Variants in TOX2 observed in about 807,000 individuals in gnomAD.
TOX2 encodes the protein granulosa cell HMG box 1.
Under a neutral mutation model 47.4 loss-of-function variants are expected in TOX2, and 15 were observed. That is an observed-to-expected ratio of 0.32 (90% confidence interval 0.21 to 0.49). The LOEUF is 0.49. Ranked by LOEUF, TOX2 falls within the 20% of genes least tolerant of loss-of-function variation. The pLI, the probability that TOX2 is intolerant of heterozygous loss-of-function variation, is 0.99. For missense variants in TOX2, 622 were observed against 673.1 expected, an observed-to-expected ratio of 0.92 and a Z score of 0.84; for synonymous variants, 290 against 296.6, an observed-to-expected ratio of 0.98 and a Z score of 0.23.
chr20:43,964,598 G>C lies in TOX2; in HGVS notation c.100-8769G>C, dbSNP rs529558514. Among the ~76,000 whole-genome samples the C allele has an allele frequency of 1.7e-4, 26 of 152,292 alleles. 1 individual carries two copies. In the South Asian group the frequency reaches 5.2e-3, roughly 30 times the overall value. On this transcript the variant is annotated intron_variant, in intron 1 of 8. Transcript: ENST00000341197. ...TCCCTAGGCTTTGATCTGTGTCTCT[G>C]TGCAGAGGGGAGGAGCAACAGCTTC...
At chr20:43,963,975 C>A (rs2069806222) in intron 1 of TOX2, among the ~76,000 whole-genome samples, 1 of 151,934 alleles carries the variant, frequency 6.6e-6, no homozygotes, top group Non-Finnish European at 1.5e-5. Flanking sequence ...AAATAGCTAA[C>A]AATGATTGAG....
chr20:43,972,768 A>G (rs936517779), intron 1 of TOX2, among the ~76,000 whole-genome samples: 5 of 152,236 alleles, frequency 3.3e-5, no homozygotes, highest in Admixed American at 2.0e-4. Flanking sequence ...TCCTGAATCC[A>G]GACTTAGCAG....
intron 4 of TOX2, among the ~76,000 whole-genome samples, chr20:44,052,387 C>T (rs2071529797): frequency 6.6e-6 from 1 of 152,204 alleles, no homozygotes; most frequent in Non-Finnish European, 1.5e-5. Context: ...TTGCCCAGGG[C>T]CTCCCAGCGA....
intron 3 of TOX2, among the ~76,000 whole-genome samples, chr20:44,024,002 G>T (rs975504702): frequency 6.6e-6 from 1 of 152,120 alleles, no homozygotes; most frequent in Non-Finnish European, 1.5e-5. Flanking sequence ...CTTTTTATAA[G>T]ATAGCTTTAT....
At chr20:44,041,439 T>C (rs990014107) in intron 3 of TOX2, among the ~76,000 whole-genome samples, 3 of 152,196 alleles carry the variant, frequency 2.0e-5, no homozygotes, top group Non-Finnish European at 4.4e-5. Context: ...GTGGGGAAGT[T>C]AGGACAAAGT....
At chr20:44,038,686 G>A (rs2071279541) in intron 3 of TOX2, among the ~76,000 whole-genome samples, 1 of 152,126 alleles carries the variant, frequency 6.6e-6, no homozygotes, top group Non-Finnish European at 1.5e-5. Context: ...GTGAGGCTGT[G>A]TTGAATGACA....
intron 5 of TOX2, among the ~76,000 whole-genome samples, chr20:44,063,001 G>A (rs114056490): frequency 0.054 from 8,211 of 152,186 alleles, 263 homozygotes; most frequent in African/African-American, 0.098. Flanking sequence ...AAAATGGATG[G>A]AAGACTTAAA....
At chr20:43,997,705 A>G (rs2070503890) in intron 2 of TOX2, among the ~76,000 whole-genome samples, 1 of 152,098 alleles carries the variant, frequency 6.6e-6, no homozygotes, top group African/African-American at 2.4e-5. Context: ...TCTTGAGTTG[A>G]GTGCTGAGTT....
chr20:44,029,664 TG>T lies in TOX2; in HGVS notation c.412-21639del, dbSNP rs1490115840. Among the ~76,000 whole-genome samples the T allele has an allele frequency of 2.0e-5, 3 of 152,338 alleles. No homozygotes were observed. In the East Asian group the frequency reaches 5.8e-4, roughly 29 times the overall value. On this transcript the variant is annotated intron_variant, in intron 3 of 8. Transcript: ENST00000341197. ...GGATCCCCATGGGGAATTGCTGTGA[TG>T]GGAACACCTGCCCTCCACAATCGCA...
chr20:43,945,388 C>A (rs2069450883), intron 1 of TOX2, among the ~76,000 whole-genome samples: 1 of 152,206 alleles, frequency 6.6e-6, no homozygotes, highest in African/African-American at 2.4e-5. Flanking sequence ...TTCAACCAGA[C>A]CCTGGCTTTC....
At chr20:43,945,926 G>A (rs1200526715) in intron 1 of TOX2, 16 of 1,613,076 alleles carry the variant, frequency 9.9e-6, no homozygotes, top group East Asian at 4.5e-5. Flanking sequence ...CAGCAGACTC[G>A]CACAGAGGCT....
At chr20:44,034,556 A>G (rs117919008) in intron 3 of TOX2, among the ~76,000 whole-genome samples, 85 of 152,326 alleles carry the variant, frequency 5.6e-4, no homozygotes, top group Admixed American at 1.9e-3. Context: ...CTCAAGACAG[A>G]GGCCTGCAGA....
In TOX2 at chr20:44,068,250, C is replaced by T. The variant is rs115907130; in HGVS notation, c.1485-400C>T. ...CCTCCTGAGGCTTGCCCATCACATCCAGCATGGAGGTCAGACCCCAGCAGG... is the reference window on the plus strand; with the variant it reads ...CCTCCTGAGGCTTGCCCATCACATCTAGCATGGAGGTCAGACCCCAGCAGG... On this transcript the variant is annotated intron_variant, in intron 8 of 8. Transcript: ENST00000341197. Among the ~76,000 whole-genome samples, 1,378 of 152,204 alleles carry T rather than the reference C, an allele frequency of 9.1e-3. 15 individuals carry two copies. Among genetic ancestry groups the T allele is most frequent in the African/African-American group, 0.032 (1,327 of 41,506 alleles).
At chr20:43,939,423 T>C (rs904691838) in intron 1 of TOX2, among the ~76,000 whole-genome samples, 1 of 152,172 alleles carries the variant, frequency 6.6e-6, no homozygotes, top group East Asian at 1.9e-4. Flanking sequence ...AAGCTGAAGT[T>C]AGCACAAAGT....
rs750814543 is a variant in TOX2 at position 43,995,027 on chromosome 20, TC to T, written c.166-11515del. 7.9e-5 allele frequency among the ~76,000 whole-genome samples: 12 copies of T among 151,628 alleles called. 1 individual carries two copies. The highest frequency in any genetic ancestry group is 3.3e-4 in the Admixed American group (5 of 15,214). ...GCTGAGAAAAGATATTACATTCCCCTCCCCCACCTCCTCCAGAATCCACGCT... is the reference window on the plus strand; with the variant it reads ...GCTGAGAAAAGATATTACATTCCCCTCCCCACCTCCTCCAGAATCCACGCT... On this transcript the variant is annotated intron_variant, in intron 2 of 8. Transcript: ENST00000341197.
intron 1 of TOX2, among the ~76,000 whole-genome samples, chr20:43,917,850 TTAC>T (rs1413802464): frequency 6.6e-6 from 1 of 152,220 alleles, no homozygotes; most frequent in East Asian, 1.9e-4. Flanking sequence ...AGAAGACTCA[TTAC>T]TATTTAATGT....
At chr20:44,011,369 G>T (rs2070775486) in intron 3 of TOX2, among the ~76,000 whole-genome samples, 1 of 152,206 alleles carries the variant, frequency 6.6e-6, no homozygotes, top group South Asian at 2.1e-4. Context: ...TCCTGGTGCA[G>T]ATGGAGAGAA....
Position 44,060,964 on chromosome 20 carries a change from G to C in TOX2, c.880-3813G>C, listed in dbSNP as rs1398267978. 2.0e-5 allele frequency among the ~76,000 whole-genome samples: 3 copies of C among 152,072 alleles called. No individual in the cohort carries two copies. The East Asian group carries it at 5.8e-4, about 29-fold the overall frequency. ...AAATACAAAAGATAAACAAAAAGCT[G>C]GTTCTTTGAAAAGATAAATAAAACT... On this transcript the variant is annotated intron_variant, in intron 5 of 8. Coordinates refer to ENST00000341197, the MANE Select transcript of TOX2 (RefSeq NM_001098797.2).
chr20:43,963,124 A>G (rs1483699615), intron 1 of TOX2, among the ~76,000 whole-genome samples: 2 of 151,948 alleles, frequency 1.3e-5, no homozygotes, highest in African/African-American at 4.8e-5. Flanking sequence ...ACCATTCTAG[A>G]TGGTAGAGGT....
Sources: gnomAD v4.1 joint callset for allele counts (sites outside exome capture counted in the v4.1 genomes callset) on GRCh38, gnomAD v4.1.1 for gene constraint, MANE v1.5 for transcripts, NCBI Gene and HGNC (gene_info 2026-07-23, HGNC 2026-07-21) for gene names.